PHF6: variants seen among roughly 807,000 people sequenced by gnomAD.
The protein encoded by PHF6 is PHD-like zinc finger protein.
A neutral mutation model predicts 34.0 loss-of-function variants in PHF6; 7 were observed. The ratio of observed to expected loss-of-function variants is 0.21; its 90% confidence interval spans 0.12 to 0.39. The LOEUF is 0.39. Ranked by LOEUF, PHF6 falls within the 10% of genes least tolerant of loss-of-function variation. The pLI is 1.00. For missense variants in PHF6, 128 were observed against 262.8 expected, an observed-to-expected ratio of 0.49 and a Z score of 3.55; for synonymous variants, 89 against 88.4, an observed-to-expected ratio of 1.01 and a Z score of -0.04.
chrX:134,403,152 G>A (rs1013349009), intron 5 of PHF6, among the ~76,000 whole-genome samples: 2 of 112,349 alleles, frequency 1.8e-5, no homozygotes, highest in African/African-American at 6.5e-5. Flanking sequence ...TAGTGAGGAA[G>A]GCATGTCGAA....
At chrX:134,391,063 C>T (rs1051328947) in intron 3 of PHF6, among the ~76,000 whole-genome samples, 1 of 106,186 alleles carries the variant, frequency 9.4e-6, no homozygotes, top group African/African-American at 3.5e-5. Flanking sequence ...CAACCTTTAC[C>T]TCCCAGGTTC....
At chrX:134,384,405 A>G (rs910727575) in intron 3 of PHF6, among the ~76,000 whole-genome samples, 1 of 111,085 alleles carries the variant, frequency 9.0e-6, no homozygotes, top group African/African-American at 3.3e-5. Context: ...GTGATATACA[A>G]TAGTCACTGT....
At chrX:134,417,334 A>G (rs758104192) in intron 9 of PHF6, 32 bp downstream of exon 9, 8 of 1,187,909 alleles carry the variant, frequency 6.7e-6, no homozygotes, top group Non-Finnish European at 9.1e-6. Context: ...ATTTCCCTAA[A>G]CATGTTAGTA....
intron 3 of PHF6, among the ~76,000 whole-genome samples, chrX:134,391,263 T>C (rs2077353481): frequency 8.9e-6 from 1 of 111,782 alleles, no homozygotes; most frequent in Non-Finnish European, 1.9e-5. Flanking sequence ...CGTGAGCTGC[T>C]GTACCCGGAC....
At chrX:134,407,155 G>A (rs1035264714) in intron 5 of PHF6, among the ~76,000 whole-genome samples, 1 of 112,139 alleles carries the variant, frequency 8.9e-6, no homozygotes. Context: ...TTCCTTATCT[G>A]TAAAACAGGG....
Position 134,382,685 on chromosome X carries a change from A to G in PHF6, c.240+4579A>G, listed in dbSNP as rs775748834. On this transcript the variant is annotated intron_variant, in intron 3 of 10. Coordinates refer to ENST00000370803, the MANE Select transcript of PHF6 (RefSeq NM_001015877.2). ...CAGGTTCAAGCAATTCCCCTGCCTC[A>G]GCCTCCCCATTGGCTGCAATTATAG... 5.7e-5 allele frequency among the ~76,000 whole-genome samples: 6 copies of G among 105,976 alleles called. No homozygotes were observed. In the East Asian group the frequency reaches 1.8e-3, roughly 32 times the overall value. 92.0% of individuals were successfully genotyped at this position (105,976 alleles called of 115,157 possible).
intron 3 of PHF6, among the ~76,000 whole-genome samples, chrX:134,383,537 A>T (rs932370256): frequency 3.6e-5 from 4 of 111,655 alleles, no homozygotes; most frequent in Admixed American, 9.6e-5. Flanking sequence ...CTCATGTCTT[A>T]TGAAATCCTC....
chrX:134,383,420 A>G (rs2077316247), intron 3 of PHF6, among the ~76,000 whole-genome samples: 1 of 111,019 alleles, frequency 9.0e-6, no homozygotes, highest in African/African-American at 3.3e-5. Flanking sequence ...GTCTCCTTCC[A>G]TTAAATAAAT....
rs2077514156 is a variant in PHF6, at chrX:134,428,408, C to G, written c.*2748C>G. ...GTTTTAGAATTTCAGATAGTACTTG[C>G]TCAGAAGTACATGCTACTCAAGATA... On this transcript the variant is annotated 3_prime_UTR_variant, in exon 11 of 11. Transcript: ENST00000370803. The G allele has an allele frequency of 1.3e-5, 2 of 154,329 alleles. No homozygotes were observed. The highest frequency in any genetic ancestry group is 6.1e-5 in the African/African-American group (2 of 32,689). 12.7% of individuals were successfully genotyped at this position (154,329 alleles called of 1,213,427 possible).
Position 134,413,664 on chromosome X carries a change from A to T in PHF6, c.585+7A>T. 1 of 1,207,541 alleles carries T rather than the reference A, an allele frequency of 8.3e-7. No homozygotes were observed. The highest frequency in any genetic ancestry group is 1.7e-5 in the African/African-American group (1 of 57,797). Reference sequence around the variant, plus strand: ...AATGGAAAGTAGTTCCTATGTAAGTAAAAAAAACTGTTGGATTCTTACTTT... The same window carrying T: ...AATGGAAAGTAGTTCCTATGTAAGTTAAAAAAACTGTTGGATTCTTACTTT... On this transcript the variant is annotated splice_region_variant and intron_variant, in intron 6 of 10. Transcript: ENST00000370803.
At chrX:134,393,854 A>G in intron 4 of PHF6, 55 bp from the exon 5 acceptor site, 1 of 1,097,570 alleles carries the variant, frequency 9.1e-7, no homozygotes, top group Non-Finnish European at 1.3e-6. Context: ...CTTAATTTGA[A>G]AAGTGAGTTT....
At chrX:134,407,258 T>C (rs1010728140) in intron 5 of PHF6, among the ~76,000 whole-genome samples, 1 of 112,525 alleles carries the variant, frequency 8.9e-6, no homozygotes. Context: ...ATAAACCACA[T>C]AGCATATCTG....
intron 9 of PHF6, among the ~76,000 whole-genome samples, chrX:134,423,774 G>C (rs1394526231): frequency 1.8e-5 from 2 of 111,428 alleles, no homozygotes; most frequent in Non-Finnish European, 3.8e-5. Flanking sequence ...TGAATTCCTA[G>C]ATGATTTTTT....
intron 1 of PHF6, among the ~76,000 whole-genome samples, chrX:134,375,474 T>C (rs1163773301): frequency 8.9e-6 from 1 of 111,833 alleles, no homozygotes; most frequent in Non-Finnish European, 1.9e-5. Flanking sequence ...CATTTCGGAA[T>C]TAATTTTAAG....
intron 3 of PHF6, among the ~76,000 whole-genome samples, chrX:134,382,127 C>T (rs949694247): frequency 1.8e-5 from 2 of 111,626 alleles, no homozygotes; most frequent in African/African-American, 6.5e-5. Flanking sequence ...CTTGCTGCCA[C>T]AGGCAATTTT....
intron 5 of PHF6, among the ~76,000 whole-genome samples, chrX:134,396,421 A>G: frequency 9.0e-6 from 1 of 111,625 alleles, no homozygotes; most frequent in Non-Finnish European, 1.9e-5. Context: ...TGCAAACTAT[A>G]TAAAGTAGAA....
At chrX:134,408,778 T>A (rs968048845) in intron 5 of PHF6, among the ~76,000 whole-genome samples, 2 of 112,191 alleles carry the variant, frequency 1.8e-5, no homozygotes, top group African/African-American at 6.5e-5. Flanking sequence ...AGAGGTGCGA[T>A]CTTGGCTCAC....
At position 134,377,665 on chromosome X, in the gene PHF6, A is replaced by G. The variant is rs2077284056; in HGVS notation, c.48A>G (p.Lys16=). The part of the protein sequence containing the change: ...EQKKGPTRQR[K]CGFCKSNRDK... ...AAAAAGGGCCTACAAGACAGCGCAA[A>G]TGTGGCTTTTGTAAGTCAAATAGAG... The change falls in exon 2 of 11, where the codon AAA becomes AAG. Residue 16 remains lysine, a synonymous_variant. Coordinates refer to ENST00000370803, the MANE Select transcript of PHF6 (RefSeq NM_001015877.2). 2 of 1,208,809 alleles carry G rather than the reference A, an allele frequency of 1.7e-6. No homozygotes were observed. Among genetic ancestry groups the G allele is most frequent in the Admixed American group, 4.4e-5 (2 of 45,594 alleles).
chrX:134,417,315 C>A lies in PHF6; in HGVS notation c.968+13C>A. The A allele has an allele frequency of 8.3e-7, 1 of 1,204,591 alleles. No homozygotes were observed. Among genetic ancestry groups the A allele is most frequent in the Non-Finnish European group, 1.1e-6 (1 of 890,342 alleles). On this transcript the variant is annotated intron_variant, in intron 9 of 10. Transcript: ENST00000370803. ...GAGGAATTTACAAGTAAGAAAACAA[C>A]AGTTGTCTATTTCCCTAAACATGTT...
Sources: gnomAD v4.1 joint callset for allele counts (sites outside exome capture counted in the v4.1 genomes callset) on GRCh38, gnomAD v4.1.1 for gene constraint, MANE v1.5 for transcripts, NCBI Gene and HGNC (gene_info 2026-07-23, HGNC 2026-07-21) for gene names.